The following KLHL13 variants were observed in gnomAD, a reference collection of about 807,000 sequenced individuals.
The protein encoded by KLHL13 is kelch like family member 13.
KLHL13 carries 10 observed loss-of-function variants against 37.1 expected under a neutral mutation model. The ratio of observed to expected loss-of-function variants is 0.27; its 90% confidence interval spans 0.17 to 0.46. The LOEUF is 0.46. KLHL13 is among the 20% of genes least tolerant of loss of function. The pLI, the probability that KLHL13 is intolerant of heterozygous loss-of-function variation, is 1.00. For missense variants in KLHL13, 360 were observed against 509.3 expected, an observed-to-expected ratio of 0.71 and a Z score of 2.82; for synonymous variants, 163 against 181.2, an observed-to-expected ratio of 0.90 and a Z score of 0.81.
At position 118,023,872 on chromosome X, in the gene KLHL13, T is replaced by C. The variant is rs149396187; in HGVS notation, c.-55-78297A>G. The stretch of plus-strand genomic sequence containing the variant: ...CAGATGTGAGCCTTTTCCTATGTTT[T>C]ACTGTATTTGGAATTTGAAACTGAC... On this transcript the variant is annotated intron_variant, in intron 1 of 6. Transcript: ENST00000371882. Among the ~76,000 whole-genome samples, 24 of 112,215 alleles carry C rather than the reference T, an allele frequency of 2.1e-4. No individual in the cohort carries two copies. The East Asian group carries it at 6.1e-3, about 29-fold the overall frequency.
At chrX:118,046,461 A>G (rs2054561111) in intron 1 of KLHL13, among the ~76,000 whole-genome samples, 1 of 112,116 alleles carries the variant, frequency 8.9e-6, no homozygotes, top group Non-Finnish European at 1.9e-5. Context: ...TAGAATAAAT[A>G]AGATCTATTA....
intron 1 of KLHL13, among the ~76,000 whole-genome samples, chrX:118,104,588 A>G (rs2055326020): frequency 1.8e-5 from 2 of 112,160 alleles, no homozygotes; most frequent in African/African-American, 6.5e-5. Flanking sequence ...TACTGCCTTG[A>G]AAGACTGTCA....
chrX:118,033,775 A>G (rs1183367759), intron 1 of KLHL13, among the ~76,000 whole-genome samples: 2 of 110,694 alleles, frequency 1.8e-5, no homozygotes, highest in Non-Finnish European at 3.8e-5. Context: ...TAAATGCTCC[A>G]ATTAAAAGAC....
At chrX:118,049,317 C>A (rs959581495) in intron 1 of KLHL13, among the ~76,000 whole-genome samples, 23 of 111,896 alleles carry the variant, frequency 2.1e-4, no homozygotes, top group Non-Finnish European at 4.0e-4. Flanking sequence ...ACCGCAAAAT[C>A]TAGAAAAACT....
intron 1 of KLHL13, among the ~76,000 whole-genome samples, chrX:117,949,765 T>A (rs1933492343): frequency 8.9e-6 from 1 of 112,111 alleles, no homozygotes; most frequent in Non-Finnish European, 1.9e-5. Context: ...GAAACCCAGG[T>A]GTGGTCAAAT....
intron 1 of KLHL13, among the ~76,000 whole-genome samples, chrX:117,979,524 A>G (rs181350963): frequency 1.4e-3 from 153 of 111,570 alleles, no homozygotes; most frequent in African/African-American, 4.7e-3. Context: ...GTTGGAAAGC[A>G]CTCAATAAGT....
chrX:117,984,125 G>T (rs1470401810), intron 1 of KLHL13, among the ~76,000 whole-genome samples: 1 of 111,526 alleles, frequency 9.0e-6, no homozygotes, highest in Non-Finnish European at 1.9e-5. Context: ...CTAACCAGAA[G>T]ATTTGGTTTT....
exon 1 of KLHL13, chrX:117,973,147 A>G: frequency 1.1e-6 from 1 of 951,345 alleles, no homozygotes; most frequent in Non-Finnish European, 1.3e-6. Flanking sequence ...ATTTAATAAA[A>G]GCAGCCAGGC....
At chrX:118,114,794 C>T (rs2055450224) in intron 1 of KLHL13, among the ~76,000 whole-genome samples, 1 of 112,596 alleles carries the variant, frequency 8.9e-6, no homozygotes, top group Admixed American at 9.4e-5. Context: ...AGAACATCAA[C>T]TGAGCCTTAT....
chrX:117,951,374 C>T lies in KLHL13; in HGVS notation c.99-5799G>A, dbSNP rs192582230. Among the ~76,000 whole-genome samples the T allele has an allele frequency of 7.6e-3, 847 of 111,729 alleles. 6 individuals are homozygous for T. The highest frequency in any genetic ancestry group is 0.026 in the African/African-American group (815 of 30,846). On this transcript the variant is annotated intron_variant, in intron 1 of 6. Transcript: ENST00000262820. ...TCATAGCAACTTCTCTCTCTTTTTT[C>T]TTTTTCAAATACCAACAAGAGTGAG...
intron 1 of KLHL13, among the ~76,000 whole-genome samples, chrX:118,087,955 G>C (rs1354544122): frequency 4.5e-5 from 5 of 112,139 alleles, no homozygotes; most frequent in African/African-American, 1.6e-4. Context: ...CTGATATATA[G>C]AGAGCTGTAT....
At chrX:118,069,844 A>G (rs765612666) in intron 1 of KLHL13, among the ~76,000 whole-genome samples, 1 of 112,322 alleles carries the variant, frequency 8.9e-6, no homozygotes, top group Non-Finnish European at 1.9e-5. Context: ...GTAGTGTACA[A>G]TAATATCCTA....
intron 2 of KLHL13, among the ~76,000 whole-genome samples, chrX:117,943,512 G>T (rs1055190563): frequency 2.0e-4 from 22 of 109,507 alleles, no homozygotes; most frequent in Non-Finnish European, 4.0e-4. Context: ...TTTCTTGGAG[G>T]CTTTGTTCGT....
intron 1 of KLHL13, among the ~76,000 whole-genome samples, chrX:117,995,029 T>C (rs773947110): frequency 2.7e-5 from 3 of 111,804 alleles, no homozygotes; most frequent in Admixed American, 9.4e-5. Context: ...GCCTGGGCAA[T>C]AGAGCGAGAC....
At chrX:117,926,701 G>A (rs2147724638) in intron 2 of KLHL13, among the ~76,000 whole-genome samples, 1 of 108,892 alleles carries the variant, frequency 9.2e-6, no homozygotes, top group South Asian at 4.1e-4. Context: ...ATTAATGAGA[G>A]CAGATGAATT....
intron 1 of KLHL13, among the ~76,000 whole-genome samples, chrX:117,952,219 G>A (rs1305529932): frequency 9.0e-6 from 1 of 111,182 alleles, no homozygotes; most frequent in Non-Finnish European, 1.9e-5. Context: ...TAGATCAATG[G>A]AACAGAACAG....
chrX:118,066,905 C>T (rs1008019937), intron 1 of KLHL13, among the ~76,000 whole-genome samples: 1 of 111,746 alleles, frequency 8.9e-6, no homozygotes, highest in African/African-American at 3.2e-5. Context: ...CATTAAGGTA[C>T]GTGCCCATGA....
intron 1 of KLHL13, among the ~76,000 whole-genome samples, chrX:118,009,127 T>C (rs751859645): frequency 2.9e-5 from 3 of 104,672 alleles, no homozygotes; most frequent in African/African-American, 7.0e-5. Context: ...TTTGTTTGAG[T>C]TCATTGTAGA....
At chrX:118,095,341 C>G (rs1272642263) in intron 1 of KLHL13, among the ~76,000 whole-genome samples, 5 of 111,412 alleles carry the variant, frequency 4.5e-5, no homozygotes. Context: ...GAAGAGCTAA[C>G]TCTCCTAAAT....
Sources: allele counts gnomAD v4.1 joint callset (sites outside exome capture counted in the v4.1 genomes callset), GRCh38; gene constraint gnomAD v4.1.1; transcripts MANE v1.5; gene names NCBI Gene and HGNC (gene_info 2026-07-23, HGNC 2026-07-21).